The following INTS3 variants were observed in gnomAD, a reference collection of about 807,000 sequenced individuals.
The protein encoded by INTS3 is integrator complex subunit 3.
A neutral mutation model predicts 146.3 loss-of-function variants in INTS3; 34 were observed. The ratio of observed to expected loss-of-function variants is 0.23; its 90% CI spans 0.18 to 0.31. INTS3 has a LOEUF of 0.31. INTS3 is among the 10% of genes least tolerant of loss of function. INTS3 has a pLI of 1.00. For synonymous variants in INTS3, 475 were observed against 494.9 expected, an observed-to-expected ratio of 0.96 and a Z score of 0.53; for missense variants, 757 against 1,304.2, an observed-to-expected ratio of 0.58 and a Z score of 6.46.
chr1:153,731,579 C>CT (rs71093282), intron 1 of INTS3, among the ~76,000 whole-genome samples: 3,977 of 129,686 alleles, frequency 0.031, 282 homozygotes, highest in African/African-American at 0.11. Context: ...AGAGCGTCCT[C>CT]TTTTTTTTTT....
Position 153,773,720 on chromosome 1 carries a change from T to C in INTS3, c.*450T>C. On this transcript the variant is annotated 3_prime_UTR_variant, in exon 30 of 30. Coordinates refer to ENST00000318967, the MANE Select transcript of INTS3 (RefSeq NM_023015.5). ...TTCCTGCTTCCCCTTCAGGTCTTGG[T>C]TTGTTCTGAAGGGACGTTTTATAGT... is the stretch of plus-strand genomic sequence containing the variant. 1 of 205,734 alleles carries C rather than the reference T, an allele frequency of 4.9e-6. No individual in the cohort carries two copies. The highest frequency in any genetic ancestry group is 1.1e-4 in the South Asian group (1 of 9,158). The allele number at this position is 205,734 out of a possible 1,614,324, so 12.7% of individuals were successfully genotyped here.
Position 153,772,103 on chromosome 1 carries a change from G to A in INTS3, c.2720+140G>A, listed in dbSNP as rs531247826. 3.0e-5 allele frequency: 30 copies of A among 1,014,488 alleles called. No individual in the cohort carries two copies. Among genetic ancestry groups the A allele is most frequent in the African/African-American group, 9.7e-5 (6 of 62,126 alleles). 62.8% of individuals were successfully genotyped at this position (1,014,488 alleles called of 1,614,324 possible). ...GTTTGTGGGCGACATCTAGTGGTCC[G>A]AAGCCACATGGCATGCGAGACCACC... On this transcript the variant is annotated intron_variant, in intron 26 of 29. Coordinates refer to ENST00000318967, the MANE Select transcript of INTS3 (RefSeq NM_023015.5). The surrounding 1 kb of genome is among the most constrained non-coding windows in gnomAD (Gnocchi z 4.6).
rs142163681 is a variant in INTS3, at chr1:153,753,286, C to T, written c.859+878C>T. 4.3e-3 allele frequency among the ~76,000 whole-genome samples: 659 copies of T among 152,090 alleles called. 4 individuals are homozygous for T. Among genetic ancestry groups the T allele is most frequent in the Non-Finnish European group, 6.1e-3 (412 of 67,998 alleles). On this transcript the variant is annotated intron_variant, in intron 8 of 29. Coordinates refer to ENST00000318967, the MANE Select transcript of INTS3 (RefSeq NM_023015.5). ...AGAAACTGAGGTTTGAGGCCGGGCG[C>T]GGTGGCTCACACCTGTAATCCCAGC...
At chr1:153,740,578 A>G in intron 1 of INTS3, 73 bp from the exon 2 acceptor site, 1 of 1,143,596 alleles carries the variant, frequency 8.7e-7, no homozygotes, top group South Asian at 1.2e-5. Context: ...GAATTGTTAA[A>G]CTTTTAGGGG....
intron 5 of INTS3, 56 bp from the exon 6 acceptor site, chr1:153,748,628 ATGTAT>A: frequency 1.5e-6 from 2 of 1,315,408 alleles, no homozygotes; most frequent in South Asian, 2.4e-5. Context: ...GGGTGAAGAG[ATGTAT>A]TGGATTGGCT....
In INTS3 at chr1:153,757,646, T is replaced by C. The variant is rs771794875; in HGVS notation, c.1032T>C (p.Ser344=). 1 of 1,614,222 alleles carries C rather than the reference T, an allele frequency of 6.2e-7. No individual in the cohort carries two copies. The highest frequency in any genetic ancestry group is 2.2e-5 in the East Asian group (1 of 44,890). The part of the protein sequence containing the change: ...RQYLSTPDSQ[S]LRCDLIRYIC... ...ACCTGTCAACTCCAGATAGTCAGTC[T>C]CTGCGCTGTGACCTCATTCGCTACA... is the stretch of plus-strand genomic sequence containing the variant. The change falls in exon 10 of 30, where the codon TCT becomes TCC. Residue 344 remains serine (S), a synonymous_variant. Coordinates refer to ENST00000318967, the MANE Select transcript of INTS3 (RefSeq NM_023015.5). The surrounding 1 kb of genome is among the most constrained non-coding windows in gnomAD (Gnocchi z 4.0).
In INTS3 at chr1:153,772,020, CGGTGGT is replaced by C. The variant is rs58166068; in HGVS notation, c.2720+83_2720+88del. The C allele has an allele frequency of 1.3e-3, 1,491 of 1,181,784 alleles. 7 individuals carry two copies. In the African/African-American group the frequency reaches 0.013, roughly 10 times the overall value. The allele number at this position is 1,181,784 out of a possible 1,614,324, so 73.2% of individuals were successfully genotyped here. On this transcript the variant is annotated intron_variant, in intron 26 of 29. Transcript: ENST00000318967. The surrounding 1 kb of genome is among the most constrained non-coding windows in gnomAD (Gnocchi z 4.6). The stretch of plus-strand genomic sequence containing the variant: ...CATGGCGGTCTGCAGTGATTGCTGT[CGGTGGT>C]GGTGGTGGTGGTGGTGGTGGTGGTG...
At chr1:153,759,480 G>A in intron 10 of INTS3, 46 bp from the exon 11 acceptor site, 2 of 1,227,312 alleles carry the variant, frequency 1.6e-6, no homozygotes, top group East Asian at 2.3e-5. Context: ...AATGGAGGGG[G>A]GTGATTGATG....
intron 1 of INTS3, among the ~76,000 whole-genome samples, chr1:153,730,962 T>C (rs913325161): frequency 3.3e-5 from 5 of 152,152 alleles, no homozygotes; most frequent in African/African-American, 1.2e-4. Context: ...ACAGAAGTTA[T>C]GAAAACTTGG....
intron 1 of INTS3, among the ~76,000 whole-genome samples, chr1:153,731,133 G>A (rs1011916512): frequency 6.6e-6 from 1 of 152,036 alleles, no homozygotes; most frequent in African/African-American, 2.4e-5. Context: ...TCTGCCTTTC[G>A]AAGCTTATCA....
chr1:153,756,239 G>A (rs1228889292), intron 9 of INTS3, among the ~76,000 whole-genome samples: 1 of 150,600 alleles, frequency 6.6e-6, no homozygotes, highest in African/African-American at 2.4e-5. Context: ...GCTGGGTGTG[G>A]TGGTAGCTAC....
intron 22 of INTS3, 32 bp downstream of exon 22, chr1:153,768,993 T>TC (rs773104808): frequency 3.2e-6 from 5 of 1,567,962 alleles, no homozygotes; most frequent in Admixed American, 3.3e-5. Flanking sequence ...CCCCAGAAGA[T>TC]CTGGGAGGCA....
At chr1:153,770,563 C>CT (rs1224527833) in intron 24 of INTS3, 122 bp from the exon 25 acceptor site, 1 of 845,960 alleles carries the variant, frequency 1.2e-6, no homozygotes, top group African/African-American at 1.7e-5. Flanking sequence ...GGGATTCTTC[C>CT]TGGCTCCTCA....
chr1:153,728,792 TG>T lies in INTS3; in HGVS notation c.150+14del. ...AAGGATGAGTTAGAGGAGGTAGGTG[TG>T]GGGGGAGGGAAGGGAGTTAAGAAAT... On this transcript the variant is annotated intron_variant, in intron 1 of 29. Coordinates refer to ENST00000318967, the MANE Select transcript of INTS3 (RefSeq NM_023015.5). 2.3e-6 allele frequency: 3 copies of T among 1,308,858 alleles called. No homozygotes were observed. The highest frequency in any genetic ancestry group is 1.2e-5 in the South Asian group (1 of 85,076). 81.1% of individuals were successfully genotyped at this position (1,308,858 alleles called of 1,614,324 possible).
rs1440693069 is a variant in INTS3, at chr1:153,751,206, A to G, written c.696A>G (p.Glu232=). 1 of 1,614,084 alleles carries G rather than the reference A, an allele frequency of 6.2e-7. No individual in the cohort carries two copies. The highest frequency in any genetic ancestry group is 8.5e-7 in the Non-Finnish European group (1 of 1,180,026). Residue 232 remains glutamate (E), a synonymous_variant, in exon 7 of 30, where the codon GAA becomes GAG. Transcript: ENST00000318967. ...AGCTCCAGGCCCTGCGACAGAAGGA[A>G]GTAGACTTCTGCATCTCACTGCTTC... ...TAQLQALRQK[E]VDFCISLLRE... is the part of the protein sequence containing the mutation.
chr1:153,733,661 G>A (rs1671175692), intron 1 of INTS3, among the ~76,000 whole-genome samples: 1 of 151,674 alleles, frequency 6.6e-6, no homozygotes, highest in Non-Finnish European at 1.5e-5. Flanking sequence ...AGGCTGGAGT[G>A]CAGTGGCGCG....
chr1:153,732,964 C>T (rs577161085), intron 1 of INTS3, among the ~76,000 whole-genome samples: 30 of 151,494 alleles, frequency 2.0e-4, no homozygotes, highest in South Asian at 8.3e-4. Context: ...CCACCATGCC[C>T]GGCTAATTTT....
intron 19 of INTS3, 36 bp downstream of exon 19, chr1:153,764,770 T>G (rs1470213024): frequency 6.4e-7 from 1 of 1,569,284 alleles, no homozygotes; most frequent in Admixed American, 1.7e-5. Context: ...TGTTCTACCC[T>G]CCATCCTCCC....
intron 8 of INTS3, chr1:153,753,555 CAAAA>C (rs201524802): frequency 7.0e-6 from 1 of 143,526 alleles, no homozygotes; most frequent in Non-Finnish European, 1.5e-5. Context: ...GACTCTGTCC[CAAAA>C]AAAAGAAAAG....
Sources: gnomAD v4.1 joint callset for allele counts (sites outside exome capture counted in the v4.1 genomes callset) on GRCh38, gnomAD v4.1.1 for gene constraint, Gnocchi (gnomAD v3.1) non-coding constraint, MANE v1.5 for transcripts, NCBI Gene and HGNC (gene_info 2026-07-23, HGNC 2026-07-21) for gene names.